SGCD: variants seen among roughly 807,000 people sequenced by gnomAD.
SGCD encodes delta-sarcoglycan.
Under a neutral mutation model 36.6 loss-of-function variants are expected in SGCD, and 18 were observed. That is an observed-to-expected ratio of 0.49 (90% CI 0.34 to 0.73). The LOEUF (loss-of-function observed/expected upper bound fraction) is 0.73, where lower values mean the gene tolerates loss of function less well. Ranked by LOEUF, SGCD falls within the 30% of genes least tolerant of loss-of-function variation. The pLI is 0.01. For missense variants in SGCD, 387 were observed against 346.7 expected (o/e 1.12, Z -0.92); for synonymous variants, 133 against 130.6 (o/e 1.02, Z -0.12).
At chr5:155,736,708 C>T in the SGCD span, among the ~76,000 whole-genome samples, 2 of 152,190 alleles carry the variant, frequency 1.3e-5, no homozygotes, top group Non-Finnish European at 2.9e-5. Context: ...ACCACCTCCT[C>T]CTCCTACTTT....
intron 3 of SGCD, among the ~76,000 whole-genome samples, chr5:156,158,572 T>C (rs1763016779): frequency 6.6e-6 from 1 of 151,446 alleles, no homozygotes; most frequent in Non-Finnish European, 1.5e-5. Context: ...AGTCTGTTCA[T>C]GTTCCACATT....
chr5:156,596,992 G>A (rs2113396998), intron 6 of SGCD, among the ~76,000 whole-genome samples: 1 of 152,246 alleles, frequency 6.6e-6, no homozygotes, highest in South Asian at 2.1e-4. Flanking sequence ...AGATGGAAGT[G>A]ACCATCCTTA....
chr5:156,117,238 C>T (rs1232770201), intron 1 of SGCD, among the ~76,000 whole-genome samples: 1 of 151,866 alleles, frequency 6.6e-6, no homozygotes, highest in Non-Finnish European at 1.5e-5. Flanking sequence ...ACATTGTTGC[C>T]CATATTACTA....
chr5:156,053,555 C>T lies in SGCD; in HGVS notation c.-281-64323C>T, dbSNP rs1006592316. Among the ~76,000 whole-genome samples, 5 of 145,994 alleles carry T rather than the reference C, an allele frequency of 3.4e-5. 1 individual carries two copies. The highest frequency in any genetic ancestry group is 3.1e-5 in the Non-Finnish European group (2 of 64,712). On this transcript the variant is annotated intron_variant, in intron 1 of 9. Transcript: ENST00000517913. ...GAATGTAAAGACTGCAACCACAGAACATTAAACTCCAAGTGCAGGACCCTC... is the reference window on the plus strand; with the variant it reads ...GAATGTAAAGACTGCAACCACAGAATATTAAACTCCAAGTGCAGGACCCTC...
intron 2 of SGCD, among the ~76,000 whole-genome samples, chr5:156,335,143 A>C (rs1253789036): frequency 6.6e-6 from 1 of 152,204 alleles, no homozygotes; most frequent in Non-Finnish European, 1.5e-5. Context: ...CCTGGTAGAA[A>C]TATGCATGTG....
chr5:156,175,139 G>T (rs1395182795), intron 3 of SGCD, among the ~76,000 whole-genome samples: 1 of 152,080 alleles, frequency 6.6e-6, no homozygotes, highest in South Asian at 2.1e-4. Context: ...TGGTAACATA[G>T]AATTGATTTA....
At chr5:155,886,191 C>A (rs978641663) in intron 1 of SGCD, among the ~76,000 whole-genome samples, 1 of 151,980 alleles carries the variant, frequency 6.6e-6, no homozygotes, top group African/African-American at 2.4e-5. Flanking sequence ...AAAGAGGTAA[C>A]GTTGAAAAAA....
intron 8 of SGCD, 149 bp from the exon 9 acceptor site, chr5:156,759,068 A>G (rs1186867343): frequency 5.3e-5 from 33 of 620,436 alleles, no homozygotes; most frequent in Non-Finnish European, 6.1e-5. Context: ...TCTTGTTGGT[A>G]TCCAAATCCC....
intron 3 of SGCD, among the ~76,000 whole-genome samples, chr5:156,168,670 T>A (rs556975507): frequency 6.6e-6 from 1 of 152,236 alleles, no homozygotes; most frequent in Admixed American, 6.5e-5. Context: ...TCAATTGTAT[T>A]TGTTCATCCT....
chr5:156,698,139 G>A (rs1327386352), intron 7 of SGCD, among the ~76,000 whole-genome samples: 2 of 152,058 alleles, frequency 1.3e-5, no homozygotes, highest in African/African-American at 4.8e-5. Flanking sequence ...TGGTGGGAGA[G>A]CTGTAGTCTA....
chr5:156,203,414 G>C (rs1443538965), intron 3 of SGCD, among the ~76,000 whole-genome samples: 2 of 152,124 alleles, frequency 1.3e-5, no homozygotes, highest in African/African-American at 4.8e-5. Context: ...TGAGATTGAT[G>C]AATAGTGGCA....
At chr5:156,439,444 A>T (rs570015489) in intron 3 of SGCD, among the ~76,000 whole-genome samples, 1 of 152,180 alleles carries the variant, frequency 6.6e-6, no homozygotes, top group African/African-American at 2.4e-5. Flanking sequence ...TTCTTTCTTT[A>T]TCTAGGGTAG....
intron 3 of SGCD, among the ~76,000 whole-genome samples, chr5:156,233,965 G>A (rs1393323214): frequency 2.6e-5 from 4 of 152,138 alleles, no homozygotes; most frequent in African/African-American, 9.7e-5. Context: ...GTAAAAAATT[G>A]TTAAATTGTC....
At chr5:156,383,361 G>A (rs559873443) in intron 3 of SGCD, among the ~76,000 whole-genome samples, 10 of 152,120 alleles carry the variant, frequency 6.6e-5, no homozygotes, top group African/African-American at 1.9e-4. Context: ...AAAATTACCC[G>A]GGCGTGCAGC....
Position 156,648,499 on chromosome 5 carries a change from A to G in SGCD, c.575+963A>G, listed in dbSNP as rs1763318573. Among the ~76,000 whole-genome samples the G allele has an allele frequency of 2.6e-5, 4 of 152,144 alleles. No homozygotes were observed. In the South Asian group the frequency reaches 8.3e-4, roughly 32 times the overall value. On this transcript the variant is annotated intron_variant, in intron 7 of 8. Coordinates refer to ENST00000337851, the MANE Select transcript of SGCD (RefSeq NM_000337.6). ...AGAAGCACATTCTCAGTAAGTGGAA[A>G]ATGTATCACCTCATTATAAAACCCA...
At chr5:156,396,327 C>T (rs1348308034) in intron 3 of SGCD, among the ~76,000 whole-genome samples, 4 of 152,162 alleles carry the variant, frequency 2.6e-5, no homozygotes, top group East Asian at 1.9e-4. Flanking sequence ...AAAAATATTT[C>T]GACTGCAATT....
chr5:156,397,020 T>G (rs1163260965), intron 3 of SGCD, among the ~76,000 whole-genome samples: 2 of 152,204 alleles, frequency 1.3e-5, no homozygotes, highest in South Asian at 2.1e-4. Flanking sequence ...GTCTGAGACT[T>G]TTAAGGTCTA....
intron 3 of SGCD, among the ~76,000 whole-genome samples, chr5:156,483,964 G>T (rs192913802): frequency 3.2e-4 from 48 of 152,322 alleles, no homozygotes; most frequent in Admixed American, 6.5e-4. Flanking sequence ...GGATTTGAAG[G>T]TTAATCTGCA....
In SGCD at chr5:156,759,349, G is replaced by T. The variant is rs753240054; in HGVS notation, c.832G>T (p.Ala278Ser). 6.2e-6 allele frequency: 10 copies of T among 1,612,198 alleles called. No individual in the cohort carries two copies. The highest frequency in any genetic ancestry group is 8.5e-6 in the Non-Finnish European group (10 of 1,178,614). Residue 278 changes from alanine to serine, a missense_variant, in exon 9 of 9, where the codon GCT becomes TCT. Transcript: ENST00000337851. ...GAGATTATTCCTGTCTCAGGCAGGAGCTGGGTCCACTTGTCAGATAAACAC... is the reference window on the plus strand; with the variant it reads ...GAGATTATTCCTGTCTCAGGCAGGATCTGGGTCCACTTGTCAGATAAACAC... ...NGRLFLSQAGAGSTCQINTSV... is the reference protein window; with the variant it reads ...NGRLFLSQAGSGSTCQINTSV...
Sources: allele counts gnomAD v4.1 joint callset (sites outside exome capture counted in the v4.1 genomes callset), GRCh38; gene constraint gnomAD v4.1.1; transcripts MANE v1.5; gene names NCBI Gene and HGNC (gene_info 2026-07-23, HGNC 2026-07-21).